The following TBC1D31 variants were observed in gnomAD, a reference collection of about 807,000 sequenced individuals.
The protein encoded by TBC1D31 is WD repeat domain 67.
A neutral mutation model predicts 132.9 loss-of-function variants in TBC1D31; 99 were observed. The observed-to-expected ratio is 0.74, with a 90% CI of 0.63 to 0.88. TBC1D31 has a LOEUF of 0.88. Ranked by LOEUF, TBC1D31 falls within the 40% of genes least tolerant of loss-of-function variation. The pLI, the probability that TBC1D31 is intolerant of heterozygous loss-of-function variation, is 0.00. For synonymous variants in TBC1D31, 385 were observed against 419.4 expected (o/e 0.92, Z 1.00); for missense variants, 1,134 against 1,256.6 (o/e 0.90, Z 1.48).
At chr8:123,134,833 A>G (rs1042702779) in intron 17 of TBC1D31, among the ~76,000 whole-genome samples, 3 of 152,192 alleles carry the variant, frequency 2.0e-5, no homozygotes, top group African/African-American at 7.2e-5. Context: ...AATTATCTCA[A>G]TACCTCACAA....
In TBC1D31 at chr8:123,120,204, T is replaced by C. The variant is rs911823023; in HGVS notation, c.1570+16T>C. 3 of 1,578,472 alleles carry C rather than the reference T, an allele frequency of 1.9e-6. No homozygotes were observed. In the African/African-American group the frequency reaches 4.1e-5, roughly 21 times the overall value. Reference sequence around the variant, plus strand: ...ACTCTCATAAGTAAGTAAATACTTGTTAAAGTATAAGATCAAGAATGGATT... The same window carrying C: ...ACTCTCATAAGTAAGTAAATACTTGCTAAAGTATAAGATCAAGAATGGATT... On this transcript the variant is annotated intron_variant, in intron 11 of 21. Transcript: ENST00000287380.
chr8:123,138,200 T>G (rs746514176), intron 17 of TBC1D31, among the ~76,000 whole-genome samples: 9 of 152,226 alleles, frequency 5.9e-5, no homozygotes, highest in Non-Finnish European at 1.3e-4. Flanking sequence ...AAATTCTTTT[T>G]AAAATTCTTT....
chr8:123,150,849 T>C (rs918042758), intron 21 of TBC1D31, among the ~76,000 whole-genome samples: 1 of 152,106 alleles, frequency 6.6e-6, no homozygotes, highest in Non-Finnish European at 1.5e-5. Flanking sequence ...CTTTCAACTA[T>C]TTTTTTTCAA....
At chr8:123,087,632 A>G (rs1815897709) in intron 4 of TBC1D31, among the ~76,000 whole-genome samples, 1 of 152,230 alleles carries the variant, frequency 6.6e-6, no homozygotes, top group South Asian at 2.1e-4. Context: ...ATGGAAACAG[A>G]GTTATGAAAC....
chr8:123,075,925 G>T (rs563216585), intron 1 of TBC1D31, among the ~76,000 whole-genome samples: 1 of 152,100 alleles, frequency 6.6e-6, no homozygotes, highest in Admixed American at 6.5e-5. Flanking sequence ...CTCAAAAAGG[G>T]TAACTTTAAA....
chr8:123,138,346 T>C (rs1821300641), intron 17 of TBC1D31, among the ~76,000 whole-genome samples: 1 of 151,876 alleles, frequency 6.6e-6, no homozygotes, highest in African/African-American at 2.4e-5. Flanking sequence ...CACATATATA[T>C]CTTTTTGCAT....
intron 10 of TBC1D31, among the ~76,000 whole-genome samples, chr8:123,115,653 G>A (rs1179001974): frequency 6.6e-6 from 1 of 152,098 alleles, no homozygotes; most frequent in Non-Finnish European, 1.5e-5. Flanking sequence ...AGAGGCTCTG[G>A]GGAGAATCCT....
At chr8:123,098,313 T>C (rs1225801039) in intron 6 of TBC1D31, among the ~76,000 whole-genome samples, 2 of 152,180 alleles carry the variant, frequency 1.3e-5, no homozygotes, top group Admixed American at 6.5e-5. Flanking sequence ...TTTTTTGTTG[T>C]TGTTTTGAGA....
downstream of TBC1D31, among the ~76,000 whole-genome samples, chr8:123,154,112 G>A (rs1563767452): frequency 1.3e-5 from 2 of 152,212 alleles, no homozygotes; most frequent in South Asian, 2.1e-4. Flanking sequence ...CATGTGGGTC[G>A]TTAACAGCAG....
intron 14 of TBC1D31, 31 bp downstream of exon 14, chr8:123,128,544 T>C (rs1379146278): frequency 2.1e-6 from 3 of 1,431,690 alleles, no homozygotes; most frequent in Non-Finnish European, 2.0e-6. Context: ...CTTTTTCTGA[T>C]ACAATGAAAT....
chr8:123,080,529 CTTTTTTTTTTTTTTT>C (rs57694076), intron 2 of TBC1D31, among the ~76,000 whole-genome samples: 3 of 76,320 alleles, frequency 3.9e-5, no homozygotes, highest in African/African-American at 1.6e-4. Context: ...TTCTTTTATT[CTTTTTTTTTTTTTTT>C]TTTTTTTTTT....
At chr8:123,161,679 G>A in the TBC1D31 span, among the ~76,000 whole-genome samples, 2 of 151,990 alleles carry the variant, frequency 1.3e-5, no homozygotes, top group Non-Finnish European at 2.9e-5. Flanking sequence ...GTATGTAAAT[G>A]GTGATTTTTT....
intron 5 of TBC1D31, among the ~76,000 whole-genome samples, chr8:123,094,966 A>T (rs951862009): frequency 1.3e-5 from 2 of 152,348 alleles, no homozygotes; most frequent in African/African-American, 2.4e-5. Context: ...ATAAGAAGCA[A>T]AACAAGGCTC....
At chr8:123,132,282 C>G (rs1240715630) in intron 16 of TBC1D31, among the ~76,000 whole-genome samples, 1 of 151,580 alleles carries the variant, frequency 6.6e-6, no homozygotes, top group Non-Finnish European at 1.5e-5. Context: ...AGAATTGTTT[C>G]ACTTTTGGAA....
At chr8:123,104,319 A>G (rs1817719904) in intron 7 of TBC1D31, 1 of 152,124 alleles carries the variant, frequency 6.6e-6, no homozygotes, top group Non-Finnish European at 1.5e-5. Flanking sequence ...CGTAGCATTG[A>G]AGCGCTATTT....
intron 3 of TBC1D31, 37 bp downstream of exon 3, chr8:123,082,854 A>G (rs1351278952): frequency 2.1e-6 from 3 of 1,450,904 alleles, no homozygotes; most frequent in South Asian, 2.3e-5. Flanking sequence ...GAAGCAGAGT[A>G]AAATATAAAC....
chr8:123,093,652 C>T lies in TBC1D31; in HGVS notation c.581C>T (p.Ala194Val). ...TGTTTTAAAGATAATTCCATTTTTGCCTGGGAATGTGACACACTTTTTTGC... is the reference window on the plus strand; with the variant it reads ...TGTTTTAAAGATAATTCCATTTTTGTCTGGGAATGTGACACACTTTTTTGC... ...LSCFKDNSIFAWECDTLFCKY... is the reference protein window; with the variant it reads ...LSCFKDNSIFVWECDTLFCKY... Residue 194 changes from alanine (A) to valine (V), a missense_variant, in exon 5 of 22, where the codon GCC becomes GTC. Physicochemically the swap from Ala to Val is moderately conservative, Grantham distance 64. Coordinates refer to ENST00000287380, the MANE Select transcript of TBC1D31 (RefSeq NM_145647.4). 1 of 1,610,858 alleles carries T rather than the reference C, an allele frequency of 6.2e-7. No homozygotes were observed. Among genetic ancestry groups the T allele is most frequent in the East Asian group, 2.2e-5 (1 of 44,716 alleles).
chr8:123,142,306 T>C lies in TBC1D31; in HGVS notation c.2685T>C (p.Asn895=), dbSNP rs1261548926. The change falls in exon 19 of 22, where the codon AAT becomes AAC. Residue 895 remains asparagine (N), a synonymous_variant. Coordinates refer to ENST00000287380, the MANE Select transcript of TBC1D31 (RefSeq NM_145647.4). ...NLAKAEQACL[N]TDWQIQSLHK... ...CAAAGGCTGAACAAGCATGCCTAAA[T>C]ACCGACTGGCAGATTCAGTCTTTAC... 2 of 1,599,786 alleles carry C rather than the reference T, an allele frequency of 1.3e-6. No individual in the cohort carries two copies. Among genetic ancestry groups the C allele is most frequent in the East Asian group, 2.2e-5 (1 of 44,546 alleles).
intron 21 of TBC1D31, among the ~76,000 whole-genome samples, chr8:123,150,570 G>T (rs1490166797): frequency 6.6e-6 from 1 of 152,194 alleles, no homozygotes; most frequent in Non-Finnish European, 1.5e-5. Flanking sequence ...GAAAACATGT[G>T]TCTGCCCTGG....
Sources: allele counts gnomAD v4.1 joint callset (sites outside exome capture counted in the v4.1 genomes callset), GRCh38; gene constraint gnomAD v4.1.1; transcripts MANE v1.5; gene names NCBI Gene and HGNC (gene_info 2026-07-23, HGNC 2026-07-21).